RBM24: variants seen among roughly 807,000 people sequenced by gnomAD.
RBM24 encodes the protein RNA-binding protein 24.
RBM24 carries 5 observed loss-of-function variants against 23.6 expected under a neutral mutation model. That is an observed-to-expected ratio of 0.21 (90% CI 0.11 to 0.45). RBM24 has a LOEUF of 0.45. RBM24 is among the 20% of genes least tolerant of loss of function. The pLI is 0.99. For missense variants in RBM24, 252 were observed against 314.6 expected, an observed-to-expected ratio of 0.80 and a Z score of 1.51; for synonymous variants, 151 against 129.5, an observed-to-expected ratio of 1.17 and a Z score of -1.13.
chr6:17,290,021 A>G, intron 3 of RBM24: 1 of 1,289,436 alleles, frequency 7.8e-7, no homozygotes, highest in Non-Finnish European at 1.0e-6. Flanking sequence ...CCTCAGAAAC[A>G]CTTGATGACG....
At position 17,293,611 on chromosome 6, in the gene RBM24, ATTC is replaced by A. The variant is rs1043847916; in HGVS notation, c.*1495_*1497del. ...TGAAACTGCAATACTTGCAATTTTT[ATTC>A]TTAAACTAAATTGAATACTATTTTA... On this transcript the variant is annotated 3_prime_UTR_variant, in exon 4 of 4. Transcript: ENST00000379052. The A allele has an allele frequency of 4.6e-5, 7 of 152,592 alleles. No individual in the cohort carries two copies. Among genetic ancestry groups the A allele is most frequent in the African/African-American group, 1.7e-4 (7 of 41,450 alleles). The allele number at this position is 152,592 out of a possible 1,614,324, so 9.5% of individuals were successfully genotyped here. A position where few individuals can be genotyped will look rare whatever the true frequency, so the allele number is the denominator to read the frequency against.
rs377501123 is a variant in RBM24 at position 17,281,457 on chromosome 6, C to G, written c.-125C>G. 1.2e-5 allele frequency: 9 copies of G among 725,930 alleles called. No homozygotes were observed. Among genetic ancestry groups the G allele is most frequent in the African/African-American group, 1.2e-4 (6 of 51,996 alleles). The allele number at this position is 725,930 out of a possible 1,614,324, so 45.0% of individuals were successfully genotyped here. A position where few individuals can be genotyped will look rare whatever the true frequency, so the allele number is the denominator to read the frequency against. On this transcript the variant is annotated 5_prime_UTR_variant, in exon 1 of 4. Coordinates refer to ENST00000379052, the MANE Select transcript of RBM24 (RefSeq NM_001143942.2). The surrounding 1 kb of genome is among the most constrained non-coding windows in gnomAD (Gnocchi z 7.1). ...CCCGCCGCGCCGCCGCCCTCGCCCCCGGGCTCGCCCTTGGCCCCCGGCGGC... is the reference window on the plus strand; with the variant it reads ...CCCGCCGCGCCGCCGCCCTCGCCCCGGGGCTCGCCCTTGGCCCCCGGCGGC...
intron 2 of RBM24, 144 bp downstream of exon 2, chr6:17,283,072 T>A: frequency 1.6e-6 from 1 of 631,938 alleles, no homozygotes; most frequent in South Asian, 2.0e-5. Flanking sequence ...TACCAAGGCA[T>A]TAAACATAAA....
Position 17,292,669 on chromosome 6 carries a change from A to G in RBM24, c.*550A>G, listed in dbSNP as rs1396038125. 1 of 152,764 alleles carries G rather than the reference A, an allele frequency of 6.5e-6. No individual in the cohort carries two copies. 9.5% of individuals were successfully genotyped at this position (152,764 alleles called of 1,614,324 possible). A position where few individuals can be genotyped will look rare whatever the true frequency, so the allele number is the denominator to read the frequency against. On this transcript the variant is annotated 3_prime_UTR_variant, in exon 4 of 4. Transcript: ENST00000379052. ...TTACTATCTCAAAAATGGGCATCGA[A>G]CAATCAATCTAGGAGCGTGGCAGTG...
intron 2 of RBM24, 77 bp from the exon 3 acceptor site, chr6:17,284,580 G>A: frequency 9.4e-7 from 1 of 1,063,226 alleles, no homozygotes; most frequent in Non-Finnish European, 1.4e-6. Flanking sequence ...AGTGAAAGTT[G>A]TGATTGCATT....
chr6:17,290,092 A>G (rs1195585157), intron 3 of RBM24: 6 of 1,288,994 alleles, frequency 4.7e-6, no homozygotes, highest in Non-Finnish European at 6.1e-6. Context: ...TATTTTTATC[A>G]TTGGGGCCAA....
chr6:17,289,983 ACAAG>A, intron 3 of RBM24: 1 of 1,289,334 alleles, frequency 7.8e-7, no homozygotes, highest in Non-Finnish European at 1.0e-6. Context: ...CTGGTTTCTG[ACAAG>A]CAGTTAAGAA....
Position 17,292,045 on chromosome 6 carries a change from GCTGCAGCAGCT to G in RBM24, c.638_648del (p.Ala213GlyfsTer29), listed in dbSNP as rs752326630. 6.3e-7 allele frequency: 1 copy of G among 1,594,810 alleles called. No individual in the cohort carries two copies. The highest frequency in any genetic ancestry group is 1.1e-5 in the South Asian group (1 of 90,542). On this transcript the variant is annotated frameshift_variant, in exon 4 of 4. Coordinates refer to ENST00000379052, the MANE Select transcript of RBM24 (RefSeq NM_001143942.2). LOFTEE classifies it high-confidence loss of function. ...GGCACCTGGGACAGCTGCCGCCGCC[GCTGCAGCAGCT>G]GCTGCCGCTGCAGCATTTGGCCAGT...
intron 3 of RBM24, among the ~76,000 whole-genome samples, chr6:17,290,319 A>G (rs1760321192): frequency 6.6e-6 from 1 of 152,226 alleles, no homozygotes; most frequent in African/African-American, 2.4e-5. Flanking sequence ...TTATAGTGTC[A>G]TGTTTTTAGA....
Position 17,281,762 on chromosome 6 carries a change from G to C in RBM24, c.168+13G>C. The stretch of plus-strand genomic sequence containing the variant: ...GGGCTATGGATTTGTAAGTTGCACG[G>C]ACTGGGGGTGACGGGGAGGGACGGA... On this transcript the variant is annotated intron_variant, in intron 1 of 3. Transcript: ENST00000379052. The surrounding 1 kb of genome is among the most constrained non-coding windows in gnomAD (Gnocchi z 7.1). The C allele has an allele frequency of 6.5e-7, 1 of 1,548,020 alleles. No individual in the cohort carries two copies. Among genetic ancestry groups the C allele is most frequent in the African/African-American group, 1.4e-5 (1 of 72,924 alleles).
intron 1 of RBM24, chr6:17,282,303 G>C: frequency 2.4e-6 from 3 of 1,244,990 alleles, no homozygotes; most frequent in Non-Finnish European, 3.2e-6. Context: ...AGATTTAAGC[G>C]TGCAAATTCA....
intron 3 of RBM24, chr6:17,285,029 A>G (rs1760152090): frequency 4.8e-6 from 1 of 206,750 alleles, no homozygotes; most frequent in South Asian, 1.6e-4. Flanking sequence ...ACTCAATTTT[A>G]TTTATCTCTT....
intron 3 of RBM24, among the ~76,000 whole-genome samples, chr6:17,287,838 GGC>G (rs1339432807): frequency 1.3e-5 from 2 of 151,840 alleles, no homozygotes. Context: ...CAAATTTCTG[GGC>G]TAGTTTAGAT....
intron 3 of RBM24, among the ~76,000 whole-genome samples, chr6:17,286,468 T>C (rs111488429): frequency 3.9e-5 from 6 of 152,326 alleles, no homozygotes; most frequent in African/African-American, 1.2e-4. Flanking sequence ...ATTGAATCAA[T>C]CAACAGGTAG....
At chr6:17,289,496 A>T in intron 3 of RBM24, 1 of 985,422 alleles carries the variant, frequency 1.0e-6, no homozygotes, top group Non-Finnish European at 1.2e-6. Flanking sequence ...TGCAAAGTAA[A>T]TGCAGAGCTA....
intron 3 of RBM24, among the ~76,000 whole-genome samples, chr6:17,285,670 T>C (rs987467234): frequency 6.6e-6 from 1 of 152,248 alleles, no homozygotes; most frequent in African/African-American, 2.4e-5. Context: ...AGCCAGTTTT[T>C]TTGAGTAGCG....
intron 3 of RBM24, among the ~76,000 whole-genome samples, chr6:17,285,769 C>A (rs1315140851): frequency 6.6e-6 from 1 of 152,140 alleles, no homozygotes; most frequent in Non-Finnish European, 1.5e-5. Flanking sequence ...ACCAGTTTTC[C>A]TGTTCCAAGG....
chr6:17,282,409 ACTTT>A (rs779523455), intron 1 of RBM24: 278 of 561,448 alleles, frequency 5.0e-4, no homozygotes, highest in Admixed American at 1.5e-3. Flanking sequence ...GTAAGGCTGG[ACTTT>A]CTTTAAAGCA....
At chr6:17,283,062 T>C in intron 2 of RBM24, 134 bp downstream of exon 2, 1 of 646,468 alleles carries the variant, frequency 1.5e-6, no homozygotes. Flanking sequence ...CTTGTTATTC[T>C]ACCAAGGCAT....
Sources: allele counts gnomAD v4.1 joint callset (sites outside exome capture counted in the v4.1 genomes callset), GRCh38; gene constraint gnomAD v4.1.1; non-coding constraint Gnocchi (gnomAD v3.1); transcripts MANE v1.5; gene names NCBI Gene and HGNC (gene_info 2026-07-23, HGNC 2026-07-21).